Variants in NACA observed in about 807,000 individuals in gnomAD.
The protein encoded by NACA is nascent polypeptide associated complex subunit alpha.
In NACA, 42 loss-of-function variants were observed where a neutral mutation model predicts 86.4. The ratio of observed to expected loss-of-function variants is 0.49; its 90% CI spans 0.38 to 0.63. NACA has a LOEUF of 0.63. Ranked by LOEUF, NACA falls within the 20% of genes least tolerant of loss-of-function variation. The pLI is 0.00. For missense variants in NACA, 2,157 were observed against 2,483.6 expected, an observed-to-expected ratio of 0.87 and a Z score of 2.80; for synonymous variants, 898 against 973.7, an observed-to-expected ratio of 0.92 and a Z score of 1.45.
chr12:56,724,402 T>C (rs1402875925), intron 2 of NACA, 50 bp downstream of exon 2: 12 of 1,546,164 alleles, frequency 7.8e-6, no homozygotes, highest in Admixed American at 2.1e-5. Flanking sequence ...GCCCACCAAA[T>C]GGCTTTAGGG....
chr12:56,717,748 T>C lies in NACA; in HGVS notation c.3782A>G (p.Lys1261Arg). The C allele has an allele frequency of 1.8e-6, 2 of 1,129,512 alleles. No individual in the cohort carries two copies. The highest frequency in any genetic ancestry group is 1.1e-6 in the Non-Finnish European group (1 of 912,326). 70.0% of individuals were successfully genotyped at this position (1,129,512 alleles called of 1,614,324 possible). ...TGCAGCTGGGGGAGTGGGGGCCCCTTTGGGGGGTGGGGTAGCTGGGCCTCC... is the reference window on the plus strand; with the variant it reads ...TGCAGCTGGGGGAGTGGGGGCCCCTCTGGGGGGTGGGGTAGCTGGGCCTCC... ...PKGGPATPPP[K>R]GAPTPPAATP... The change falls in exon 3 of 9, where the codon AAA becomes AGA. Residue 1261 changes from lysine to arginine, a missense_variant. By Grantham distance (26) the Lys-to-Arg change is conservative. This residue lies in a region of NACA where 15 missense variants were observed against 21.0 expected (regional missense o/e 0.71). Coordinates refer to ENST00000454682, the MANE Select transcript of NACA (RefSeq NM_001365896.1).
Position 56,720,743 on chromosome 12 carries a change from T to C in NACA, c.787A>G (p.Ser263Gly), listed in dbSNP as rs770136092. The change falls in exon 3 of 9, where the codon AGC becomes GGC. Residue 263 changes from serine to glycine, a missense_variant. Coordinates refer to ENST00000454682, the MANE Select transcript of NACA (RefSeq NM_001365896.1). ...CTAACAGGCCCCTTCAGGCTGAGGC[T>C]TCCTGGGTTTTGTGGAGAAATCAGA... ...SVLISPQNPG[S>G]LSLKGPVSPP... 17 of 1,613,982 alleles carry C rather than the reference T, an allele frequency of 1.1e-5. No homozygotes were observed. The highest frequency in any genetic ancestry group is 1.4e-5 in the Non-Finnish European group (17 of 1,179,894).
intron 3 of NACA, among the ~76,000 whole-genome samples, chr12:56,715,539 T>G (rs1007927641): frequency 6.6e-6 from 1 of 152,084 alleles, no homozygotes; most frequent in African/African-American, 2.4e-5. Flanking sequence ...TGGTAGGGAT[T>G]AGAGCAAATG....
In NACA at chr12:56,716,989, T is replaced by A; in HGVS notation, c.4541A>T (p.Lys1514Ile). ...GGAGGATGGGGTAGCTGGGACCTCT[T>A]TGGGGGAAGAAGGAATCACAGCTGG... is the stretch of plus-strand genomic sequence containing the variant. ...TLPAVIPSSP[K>I]EVPATPSSRR... Residue 1514 changes from lysine to isoleucine, a missense_variant, in exon 3 of 9, where the codon AAA becomes ATA. Physicochemically the swap from Lys to Ile is moderately radical, Grantham distance 102. Around this residue, in one of 8 missense-constraint regions of NACA, gnomAD observed 797 missense variants for 777.6 expected, o/e 1.02. Coordinates refer to ENST00000454682, the MANE Select transcript of NACA (RefSeq NM_001365896.1). The A allele has an allele frequency of 7.8e-7, 1 of 1,278,532 alleles. No individual in the cohort carries two copies. The highest frequency in any genetic ancestry group is 2.2e-4 in the Middle Eastern group (1 of 4,560). The allele number at this position is 1,278,532 out of a possible 1,614,324, so 79.2% of individuals were successfully genotyped here. A position where few individuals can be genotyped will look rare whatever the true frequency, so the allele number is the denominator to read the frequency against.
intron 2 of NACA, among the ~76,000 whole-genome samples, chr12:56,722,663 G>C (rs1953604428): frequency 1.3e-5 from 2 of 152,192 alleles, no homozygotes; most frequent in African/African-American, 4.8e-5. Flanking sequence ...ATGCACTCCA[G>C]CCTGGGTGAC....
chr12:56,715,999 A>T lies in NACA; in HGVS notation c.5531T>A (p.Ile1844Asn), dbSNP rs768729193. The T allele has an allele frequency of 1.3e-6, 2 of 1,593,154 alleles. No individual in the cohort carries two copies. The highest frequency in any genetic ancestry group is 1.7e-6 in the Non-Finnish European group (2 of 1,168,110). ...TCCCCCAGAGATTGGTTCCGGGGGA[A>T]TCAGAGGCAGCAGCTCATCCTCATC... ...PADEDELLPL[I>N]PPEPISGGVP... is the part of the protein sequence containing the mutation. The change falls in exon 3 of 9, where the codon ATT becomes AAT. Residue 1844 changes from isoleucine to asparagine, a missense_variant. Coordinates refer to ENST00000454682, the MANE Select transcript of NACA (RefSeq NM_001365896.1).
At chr12:56,713,227 T>C (rs761348765) in intron 6 of NACA, 37 bp from the exon 7 acceptor site, 1 of 1,605,314 alleles carries the variant, frequency 6.2e-7, no homozygotes, top group Non-Finnish European at 8.5e-7. Context: ...GTGAGTAGAT[T>C]AGCAGTCTTT....
intron 6 of NACA, 99 bp downstream of exon 6, chr12:56,713,438 T>TAGCC: frequency 6.9e-7 from 1 of 1,454,610 alleles, no homozygotes; most frequent in South Asian, 1.3e-5. Flanking sequence ...ATGTAATGGA[T>TAGCC]AGCCCTTCCA....
Position 56,720,601 on chromosome 12 carries a change from G to A in NACA, c.929C>T (p.Ala310Val). The A allele has an allele frequency of 3.7e-6, 6 of 1,613,990 alleles. No homozygotes were observed. The highest frequency in any genetic ancestry group is 1.1e-5 in the South Asian group (1 of 91,090). ...DFPISLGSHLAPLHQSSFGSV... is the reference protein window; with the variant it reads ...DFPISLGSHLVPLHQSSFGSV... ...ACCAAAAGAACTCTGATGTAAAGGTGCAAGATGAGAGCCCAGAGAAATGGG... is the reference window on the plus strand; with the variant it reads ...ACCAAAAGAACTCTGATGTAAAGGTACAAGATGAGAGCCCAGAGAAATGGG... The change falls in exon 3 of 9, where the codon GCA becomes GTA. Residue 310 changes from alanine (A) to valine (V), a missense_variant. By Grantham distance (64) the Ala-to-Val change is moderately conservative (BLOSUM62 0). Transcript: ENST00000454682.
chr12:56,718,592 G>C lies in NACA; in HGVS notation c.2938C>G (p.Pro980Ala). 1 of 1,315,074 alleles carries C rather than the reference G, an allele frequency of 7.6e-7. No individual in the cohort carries two copies. The highest frequency in any genetic ancestry group is 1.6e-5 in the African/African-American group (1 of 62,600). 81.5% of individuals were successfully genotyped at this position (1,315,074 alleles called of 1,614,324 possible). ...PPSPKGGPAT[P>A]SPKGAPTPPA... ...GGTGTGGGGGCCCCTTTGGGGGATG[G>C]AGTAGCTGGACCTCCTTTTGGGGAG... The change falls in exon 3 of 9, where the codon CCA becomes GCA. Residue 980 changes from proline (P) to alanine (A), a missense_variant. Pro to Ala is a conservative substitution (Grantham distance 27, BLOSUM62 -1). This residue lies in a region of NACA where 124 missense variants were observed against 186.5 expected (regional missense o/e 0.66). Transcript: ENST00000454682.
chr12:56,712,879 G>A lies in NACA; in HGVS notation c.6129C>T (p.Asp2043=), dbSNP rs757894002. 1 of 1,614,132 alleles carries A rather than the reference G, an allele frequency of 6.2e-7. No individual in the cohort carries two copies. The highest frequency in any genetic ancestry group is 8.5e-7 in the Non-Finnish European group (1 of 1,180,034). The change falls in exon 8 of 9, where the codon GAC becomes GAT. Residue 2043 remains aspartate, a synonymous_variant. Transcript: ENST00000454682. The stretch of plus-strand genomic sequence containing the variant: ...TTGCTTGTGACATGACCAATTCAAT[G>A]TCCTTAACTTCTACACCTGTTTCAT... ...EVDETGVEVK[D]IELVMSQANV...
At chr12:56,713,731 C>G in intron 5 of NACA, 48 bp from the exon 6 acceptor site, 1 of 1,564,622 alleles carries the variant, frequency 6.4e-7, no homozygotes, top group South Asian at 1.1e-5. Context: ...TTAGAAGCAG[C>G]CTAAAGAAGC....
At position 56,720,037 on chromosome 12, in the gene NACA, G is replaced by A; in HGVS notation, c.1493C>T (p.Ala498Val). ...AGAGACTGGTATCCTCAGAGTGGTT[G>A]CTACTTGAGTAGAAGGCTCTTTGGG... ...VAPKEPSTQV[A>V]TTLRIPVSPP... The change falls in exon 3 of 9, where the codon GCA (alanine) becomes GTA (valine). Residue 498 changes from alanine (A) to valine (V), a missense_variant. Transcript: ENST00000454682. The A allele has an allele frequency of 1.2e-6, 2 of 1,613,954 alleles. No homozygotes were observed. Among genetic ancestry groups the A allele is most frequent in the Non-Finnish European group, 1.7e-6 (2 of 1,179,870 alleles).
chr12:56,720,893 G>C lies in NACA; in HGVS notation c.637C>G (p.Pro213Ala). The C allele has an allele frequency of 6.2e-7, 1 of 1,613,988 alleles. No individual in the cohort carries two copies. The highest frequency in any genetic ancestry group is 1.1e-5 in the South Asian group (1 of 91,078). The change falls in exon 3 of 9, where the codon CCT becomes GCT. Residue 213 changes from proline (P) to alanine (A), a missense_variant. Physicochemically the swap from Pro to Ala is conservative, Grantham distance 27. Around this residue, in one of 8 missense-constraint regions of NACA, gnomAD observed 947 missense variants for 917.9 expected, o/e 1.03. Transcript: ENST00000454682. Reference sequence around the variant, plus strand: ...GCCATGGGAGTCACACAGTGGTAAGGAACAGTACTGACTATACATGGAGGG... The same window carrying C: ...GCCATGGGAGTCACACAGTGGTAAGCAACAGTACTGACTATACATGGAGGG... ...PSPPCIVSTV[P>A]YHCVTPMASI...
intron 2 of NACA, among the ~76,000 whole-genome samples, chr12:56,723,185 G>A (rs1592324046): frequency 6.6e-6 from 1 of 152,220 alleles, no homozygotes; most frequent in East Asian, 1.9e-4. Context: ...CATTCTAATA[G>A]ACTATCATTA....
At chr12:56,724,182 T>C (rs1953648628) in intron 2 of NACA, among the ~76,000 whole-genome samples, 2 of 152,086 alleles carry the variant, frequency 1.3e-5, no homozygotes, top group East Asian at 3.8e-4. Flanking sequence ...CTATGTGAGG[T>C]GGGGGTTCCA....
Position 56,721,481 on chromosome 12 carries a change from TAAAG to T in NACA, c.71-26_71-23del, listed in dbSNP as rs777572906. 12 of 1,270,778 alleles carry T rather than the reference TAAAG, an allele frequency of 9.4e-6. No individual in the cohort carries two copies. In the South Asian group the frequency reaches 1.9e-4, roughly 20 times the overall value. 78.7% of individuals were successfully genotyped at this position (1,270,778 alleles called of 1,614,324 possible). A position where few individuals can be genotyped will look rare whatever the true frequency, so the allele number is the denominator to read the frequency against. ...ACAGCTGGAGAAAGGCAAAAGGAGA[TAAAG>T]AAAGGGGGAGGGGGAGGAGAAAAAA... On this transcript the variant is annotated intron_variant, in intron 2 of 8. Coordinates refer to ENST00000454682, the MANE Select transcript of NACA (RefSeq NM_001365896.1).
rs1305579601 is a variant in NACA, at chr12:56,719,452, C to T, written c.2078G>A (p.Gly693Asp). 1 of 1,613,490 alleles carries T rather than the reference C, an allele frequency of 6.2e-7. No individual in the cohort carries two copies. The highest frequency in any genetic ancestry group is 1.7e-4 in the Middle Eastern group (1 of 6,060). The change falls in exon 3 of 9, where the codon GGT becomes GAT. Residue 693 changes from glycine (G) to aspartate (D), a missense_variant. By Grantham distance (94) the Gly-to-Asp change is moderately conservative. This residue lies in a region of NACA where 947 missense variants were observed against 917.9 expected (regional missense o/e 1.03). Coordinates refer to ENST00000454682, the MANE Select transcript of NACA (RefSeq NM_001365896.1). The part of the protein sequence containing the change: ...LAPKNHPVKE[G>D]TLTTLPLVPT... Reference sequence around the variant, plus strand: ...AACCAAGGGTAAAGTAGTAAGAGTACCTTCCTTAACTGGGTGGTTTTTAGG... The same window carrying T: ...AACCAAGGGTAAAGTAGTAAGAGTATCTTCCTTAACTGGGTGGTTTTTAGG...
Position 56,724,449 on chromosome 12 carries a change from T to C in NACA, c.70+3A>G, listed in dbSNP as rs745924545. The C allele has an allele frequency of 4.4e-6, 7 of 1,608,908 alleles. No individual in the cohort carries two copies. In the African/African-American group the frequency reaches 8.0e-5, roughly 18 times the overall value. On this transcript the variant is annotated splice_donor_region_variant and intron_variant, in intron 2 of 8. Coordinates refer to ENST00000454682, the MANE Select transcript of NACA (RefSeq NM_001365896.1). ...TAATGGCAAGGAGGGTAGGGAAACC[T>C]ACCTGTCTCAGCCTGGGGCTGCGGC...
Sources: allele counts gnomAD v4.1 joint callset (sites outside exome capture counted in the v4.1 genomes callset), GRCh38; gene constraint gnomAD v4.1.1; regional missense constraint gnomAD v4.1.1; transcripts MANE v1.5; gene names NCBI Gene and HGNC (gene_info 2026-07-23, HGNC 2026-07-21).